The following MBD5 variants were observed in gnomAD, a reference collection of about 807,000 sequenced individuals.
MBD5 encodes the protein methyl-CpG-binding domain protein 5.
A neutral mutation model predicts 117.3 loss-of-function variants in MBD5; 13 were observed. The ratio of observed to expected loss-of-function variants is 0.11; its 90% CI spans 0.07 to 0.18. The LOEUF is 0.18. MBD5 is among the 10% of genes least tolerant of loss of function. The pLI is 1.00. For synonymous variants in MBD5, 727 were observed against 766.4 expected, an observed-to-expected ratio of 0.95 and a Z score of 0.85; for missense variants, 1,879 against 2,093.8, an observed-to-expected ratio of 0.90 and a Z score of 2.00.
chr2:148,058,185 C>T (rs1408705090), intron 1 of MBD5, among the ~76,000 whole-genome samples: 3 of 151,960 alleles, frequency 2.0e-5, no homozygotes, highest in African/African-American at 4.8e-5. Context: ...TCTTATAATA[C>T]GTATTACATT....
chr2:148,247,066 CT>C (rs894162641), intron 3 of MBD5, among the ~76,000 whole-genome samples: 5 of 152,074 alleles, frequency 3.3e-5, no homozygotes, highest in Non-Finnish European at 7.4e-5. Flanking sequence ...TCCTGTAAAG[CT>C]TTTTTTAAAT....
chr2:148,237,822 A>C (rs921047242), intron 3 of MBD5, among the ~76,000 whole-genome samples: 2 of 152,164 alleles, frequency 1.3e-5, no homozygotes, highest in African/African-American at 2.4e-5. Flanking sequence ...TTAAGAACTC[A>C]AATTCACAGA....
intron 4 of MBD5, among the ~76,000 whole-genome samples, chr2:148,358,490 A>T (rs752259172): frequency 6.6e-6 from 1 of 152,140 alleles, no homozygotes; most frequent in Non-Finnish European, 1.5e-5. Context: ...AAAGCAAAAT[A>T]GGCTGGGTGC....
intron 1 of MBD5, among the ~76,000 whole-genome samples, chr2:148,148,837 A>G (rs1697549214): frequency 6.6e-6 from 1 of 152,152 alleles, no homozygotes; most frequent in Non-Finnish European, 1.5e-5. Flanking sequence ...TGAACTTATC[A>G]TCTTCTACAT....
At chr2:148,422,848 A>G (rs541806432) in intron 4 of MBD5, among the ~76,000 whole-genome samples, 2 of 152,332 alleles carry the variant, frequency 1.3e-5, no homozygotes, top group Admixed American at 6.5e-5. Flanking sequence ...AATGAAGATC[A>G]ATTTAATGAA....
At chr2:148,274,332 A>T (rs1242661716) in intron 3 of MBD5, among the ~76,000 whole-genome samples, 1 of 151,894 alleles carries the variant, frequency 6.6e-6, no homozygotes, top group Admixed American at 6.6e-5. Flanking sequence ...TGCACCCATC[A>T]ACCCATCACC....
intron 4 of MBD5, among the ~76,000 whole-genome samples, chr2:148,366,781 G>C (rs1003518292): frequency 6.6e-6 from 1 of 152,034 alleles, no homozygotes; most frequent in East Asian, 1.9e-4. Flanking sequence ...GGATGTGAAG[G>C]GCCTCTTCAA....
chr2:148,245,463 G>A (rs1057128593), intron 3 of MBD5, among the ~76,000 whole-genome samples: 3 of 151,968 alleles, frequency 2.0e-5, no homozygotes, highest in Non-Finnish European at 2.9e-5. Flanking sequence ...GGTGTGTGCC[G>A]GCTTGTGCCT....
intron 4 of MBD5, among the ~76,000 whole-genome samples, chr2:148,362,860 C>CCCAGAGTTTG (rs1703582788): frequency 6.6e-6 from 1 of 152,074 alleles, no homozygotes; most frequent in Non-Finnish European, 1.5e-5. Context: ...CTGGAGTGGA[C>CCCAGAGTTTG]CTCCAGCAAA....
intron 2 of MBD5, among the ~76,000 whole-genome samples, chr2:148,184,560 A>G (rs1460372460): frequency 6.6e-6 from 1 of 152,174 alleles, no homozygotes; most frequent in Non-Finnish European, 1.5e-5. Context: ...TGCCGCTAAT[A>G]TCTTCCCTTA....
At chr2:148,473,159 T>G (rs1680849966) in intron 8 of MBD5, among the ~76,000 whole-genome samples, 1 of 152,188 alleles carries the variant, frequency 6.6e-6, no homozygotes, top group Non-Finnish European at 1.5e-5. Flanking sequence ...ATACTTCAGA[T>G]GAAAGTCAGT....
chr2:148,483,175 A>T lies in MBD5; in HGVS notation c.2584A>T (p.Thr862Ser), dbSNP rs1314524230. 1 of 1,613,854 alleles carries T rather than the reference A, an allele frequency of 6.2e-7. No individual in the cohort carries two copies. The highest frequency in any genetic ancestry group is 1.3e-5 in the African/African-American group (1 of 74,974). Residue 862 changes from threonine to serine, a missense_variant, in exon 9 of 14, where the codon ACA (threonine) becomes TCA (serine). Coordinates refer to ENST00000642680, the MANE Select transcript of MBD5 (RefSeq NM_001378120.1). ...CAACCACCCTGCCATCACAAAGACA[A>T]CATCTGTTCTTCAAGATGGCGTCAT... Reference protein sequence around the residue: ...GTNHPAITKTTSVLQDGVIVT... With the variant: ...GTNHPAITKTSSVLQDGVIVT...
Position 148,510,069 on chromosome 2 carries a change from G to T in MBD5, c.5046G>T (p.Lys1682Asn). The T allele has an allele frequency of 6.2e-7, 1 of 1,609,298 alleles. No individual in the cohort carries two copies. Residue 1682 changes from lysine (K) to asparagine (N), a missense_variant, in exon 13 of 14, where the codon AAG (lysine) becomes AAT (asparagine). Around this residue, in one of 4 missense-constraint regions of MBD5, gnomAD observed 135 missense variants for 148.0 expected, o/e 0.91. Transcript: ENST00000642680. ...RVRKRNRKSG[K>N]LNNHLEAAIH... Reference sequence around the variant, plus strand: ...TTTTCATTAATTCCAGAAGTGGAAAGCTAAATAACCATTTAGAAGCTGCTA... The same window carrying T: ...TTTTCATTAATTCCAGAAGTGGAAATCTAAATAACCATTTAGAAGCTGCTA...
intron 1 of MBD5, among the ~76,000 whole-genome samples, chr2:148,082,080 C>T (rs1220760348): frequency 6.6e-6 from 1 of 152,178 alleles, no homozygotes; most frequent in Non-Finnish European, 1.5e-5. Context: ...ACTTATTCCT[C>T]TTTGAGGAAA....
intron 3 of MBD5, among the ~76,000 whole-genome samples, chr2:148,324,324 T>C (rs1188307814): frequency 2.0e-5 from 3 of 151,734 alleles, no homozygotes; most frequent in East Asian, 1.9e-4. Flanking sequence ...TTGCCGGCTC[T>C]TTTGTGGTTC....
At chr2:148,237,733 C>T (rs558772029) in intron 3 of MBD5, among the ~76,000 whole-genome samples, 369 of 152,280 alleles carry the variant, frequency 2.4e-3, no homozygotes, top group Non-Finnish European at 2.5e-3. Context: ...GATGGACTTG[C>T]TCAGTGCAGA....
At chr2:148,101,023 CTAAT>C (rs1394203021) in intron 1 of MBD5, among the ~76,000 whole-genome samples, 1 of 152,168 alleles carries the variant, frequency 6.6e-6, no homozygotes, top group African/African-American at 2.4e-5. Flanking sequence ...GGGTAGGTCA[CTAAT>C]TATCATTTTT....
In MBD5 at chr2:148,259,932, C is replaced by A. The variant is rs143298168; in HGVS notation, c.-680+26537C>A. Among the ~76,000 whole-genome samples, 584 of 152,226 alleles carry A rather than the reference C, an allele frequency of 3.8e-3. 2 individuals are homozygous for A. Among genetic ancestry groups the A allele is most frequent in the African/African-American group, 0.012 (516 of 41,546 alleles). On this transcript the variant is annotated intron_variant, in intron 3 of 13. Coordinates refer to ENST00000642680, the MANE Select transcript of MBD5 (RefSeq NM_001378120.1). ...AATAGTTTATTACTAACAACAACAA[C>A]AAAAAAGCTAATGATCACCTGAGCC... is the stretch of plus-strand genomic sequence containing the variant.
chr2:148,078,078 G>T (rs1695548369), intron 1 of MBD5, among the ~76,000 whole-genome samples: 1 of 152,114 alleles, frequency 6.6e-6, no homozygotes, highest in Admixed American at 6.5e-5. Context: ...CTATGCCGTT[G>T]AGTTGCTTAT....
Sources: allele counts gnomAD v4.1 joint callset (sites outside exome capture counted in the v4.1 genomes callset), GRCh38; gene constraint gnomAD v4.1.1; regional missense constraint gnomAD v4.1.1; transcripts MANE v1.5; gene names NCBI Gene and HGNC (gene_info 2026-07-23, HGNC 2026-07-21).